The following XXYLT1 variants were observed in gnomAD, a reference collection of about 807,000 sequenced individuals.
The protein encoded by XXYLT1 is UDP-xylose:alpha-xyloside alpha-1,3-xylosyltransferase.
A neutral mutation model predicts 28.9 loss-of-function variants in XXYLT1; 20 were observed. The observed-to-expected ratio is 0.69, with a 90% CI of 0.49 to 1.00. The LOEUF (loss-of-function observed/expected upper bound fraction) is 1.00. Ranked by LOEUF, XXYLT1 falls within the 50% of genes least tolerant of loss-of-function variation. The probability of loss-of-function intolerance (pLI) is 0.00; values close to 1 mark genes in which losing one functional copy is unlikely to be tolerated. For synonymous variants in XXYLT1, 257 were observed against 253.8 expected, an observed-to-expected ratio of 1.01 and a Z score of -0.12; for missense variants, 542 against 560.1, an observed-to-expected ratio of 0.97 and a Z score of 0.33.
At chr3:195,102,461 A>G (rs1460972446) in intron 3 of XXYLT1, among the ~76,000 whole-genome samples, 1 of 151,964 alleles carries the variant, frequency 6.6e-6, no homozygotes, top group African/African-American at 2.4e-5. Flanking sequence ...TGGCCACGGT[A>G]ACCATCATTT....
At position 195,069,332 on chromosome 3, in the gene XXYLT1, G is replaced by A. The variant is rs1354724630; in HGVS notation, c.*383C>T. The A allele has an allele frequency of 5.0e-6, 1 of 200,138 alleles. No individual in the cohort carries two copies. The highest frequency in any genetic ancestry group is 1.0e-5 in the Non-Finnish European group (1 of 98,066). 12.4% of individuals were successfully genotyped at this position (200,138 alleles called of 1,614,324 possible). A position where few individuals can be genotyped will look rare whatever the true frequency, so the allele number is the denominator to read the frequency against. On this transcript the variant is annotated 3_prime_UTR_variant, in exon 4 of 4. Coordinates refer to ENST00000310380, the MANE Select transcript of XXYLT1 (RefSeq NM_152531.5). ...TTTGTACTTTCTCGAAAAATGGAAG[G>A]CTGTCAATTTAAATTAAATTTATAT...
intron 2 of XXYLT1, among the ~76,000 whole-genome samples, chr3:195,164,736 A>G (rs973571476): frequency 6.6e-6 from 1 of 152,212 alleles, no homozygotes; most frequent in African/African-American, 2.4e-5. Flanking sequence ...CTGATGGCCA[A>G]CCTCTTGTGT....
rs1282249366 is a variant in XXYLT1, at chr3:195,240,151, C to T, written c.505-13295G>A. Among the ~76,000 whole-genome samples, 8 of 152,266 alleles carry T rather than the reference C, an allele frequency of 5.3e-5. No homozygotes were observed. The highest frequency in any genetic ancestry group is 2.6e-4 in the Admixed American group (4 of 15,302). ...TGTTGTTCAAACTAAAATATGTAAC[C>T]GAGAAAGTGCTGTGTGATATAAAAG... On this transcript the variant is annotated intron_variant, in intron 1 of 3. Transcript: ENST00000310380. This position sits in a 1 kb window ranked among gnomAD's most constrained non-coding sequence, Gnocchi z 4.7.
intron 3 of XXYLT1, among the ~76,000 whole-genome samples, chr3:195,132,760 C>G (rs873120): frequency 0.17 from 26,282 of 152,094 alleles, 2,613 homozygotes; most frequent in East Asian, 0.41. Context: ...GCCAGCAGAC[C>G]GTAGTGAAGC....
chr3:195,204,425 C>T (rs1200054758), intron 2 of XXYLT1, among the ~76,000 whole-genome samples: 3 of 152,074 alleles, frequency 2.0e-5, no homozygotes, highest in Non-Finnish European at 4.4e-5. Flanking sequence ...AAAAGGTCCT[C>T]GCTTTCTCTC....
chr3:195,192,293 C>T (rs1722455316), intron 2 of XXYLT1, among the ~76,000 whole-genome samples: 3 of 152,000 alleles, frequency 2.0e-5, no homozygotes, highest in Non-Finnish European at 4.4e-5. Flanking sequence ...GGTGTGGTGG[C>T]ATGCACCAGT....
At chr3:195,206,761 G>A (rs1017818170) in intron 2 of XXYLT1, among the ~76,000 whole-genome samples, 6 of 150,120 alleles carry the variant, frequency 4.0e-5, no homozygotes, top group African/African-American at 9.8e-5. Context: ...GCAAGACTCC[G>A]TCTCAAAAAA....
intron 3 of XXYLT1, among the ~76,000 whole-genome samples, chr3:195,083,210 C>T (rs910609239): frequency 6.6e-6 from 1 of 152,148 alleles, no homozygotes; most frequent in Non-Finnish European, 1.5e-5. Context: ...AGTGATGTCG[C>T]TTCTGGAGTC....
At chr3:195,246,639 G>A (rs1725034033) in intron 1 of XXYLT1, among the ~76,000 whole-genome samples, 1 of 152,178 alleles carries the variant, frequency 6.6e-6, no homozygotes, top group South Asian at 2.1e-4. Context: ...ACTCCTCCAG[G>A]CTGATGAGGA....
At chr3:195,203,770 C>T (rs1214498742) in intron 2 of XXYLT1, among the ~76,000 whole-genome samples, 1 of 152,180 alleles carries the variant, frequency 6.6e-6, no homozygotes, top group Non-Finnish European at 1.5e-5. Context: ...ATCCTCCATG[C>T]TGATGGGGCT....
intron 3 of XXYLT1, among the ~76,000 whole-genome samples, chr3:195,116,965 C>A (rs1300635452): frequency 3.9e-5 from 6 of 152,132 alleles, no homozygotes; most frequent in Admixed American, 3.9e-4. Context: ...TACTGCCCAC[C>A]CATCAGCCCA....
In XXYLT1 at chr3:195,255,826, G is replaced by C. The variant is rs891097947; in HGVS notation, c.504+14729C>G. ...ATGAATAGACTCAACTCCAGGACCAGAGTCTGGACTCCCTCCAACCCAGAC... is the reference window on the plus strand; with the variant it reads ...ATGAATAGACTCAACTCCAGGACCACAGTCTGGACTCCCTCCAACCCAGAC... On this transcript the variant is annotated intron_variant, in intron 1 of 3. Coordinates refer to ENST00000310380, the MANE Select transcript of XXYLT1 (RefSeq NM_152531.5). The surrounding 1 kb of genome is among the most constrained non-coding windows in gnomAD (Gnocchi z 4.5). Among the ~76,000 whole-genome samples the C allele has an allele frequency of 1.3e-5, 2 of 152,108 alleles. No individual in the cohort carries two copies. The highest frequency in any genetic ancestry group is 1.9e-4 in the East Asian group (1 of 5,170).
rs555923338 is a variant in XXYLT1 at position 195,129,373 on chromosome 3, G to T, written c.785+27076C>A. 7.2e-5 allele frequency among the ~76,000 whole-genome samples: 11 copies of T among 152,158 alleles called. No homozygotes were observed. The highest frequency in any genetic ancestry group is 1.3e-4 in the Non-Finnish European group (9 of 68,030). On this transcript the variant is annotated intron_variant, in intron 3 of 3. Coordinates refer to ENST00000310380, the MANE Select transcript of XXYLT1 (RefSeq NM_152531.5). The surrounding 1 kb of genome is among the most constrained non-coding windows in gnomAD (Gnocchi z 4.4). ...TAGAATATTTTCATCACCTCAAAAA[G>T]AAATCTCGTACCCTTTAGCTATCGC...
chr3:195,204,474 T>TCA (rs1156560663), intron 2 of XXYLT1, among the ~76,000 whole-genome samples: 2 of 145,792 alleles, frequency 1.4e-5, no homozygotes, highest in Admixed American at 6.8e-5. Context: ...ACTCACTCTC[T>TCA]CACTCTCTCT....
intron 2 of XXYLT1, among the ~76,000 whole-genome samples, chr3:195,194,204 G>C (rs950712817): frequency 6.6e-6 from 1 of 151,152 alleles, no homozygotes; most frequent in African/African-American, 2.4e-5. Flanking sequence ...TTGCAACTCA[G>C]TAATAAGAAG....
In XXYLT1 at chr3:195,240,875, G is replaced by A. The variant is rs1724745380; in HGVS notation, c.505-14019C>T. Among the ~76,000 whole-genome samples the A allele has an allele frequency of 6.6e-6, 1 of 152,236 alleles. No homozygotes were observed. The highest frequency in any genetic ancestry group is 2.4e-5 in the African/African-American group (1 of 41,476). The stretch of plus-strand genomic sequence containing the variant: ...TGGGAGGCGGAGGTTGCAGTGAGCT[G>A]AGATTGTGCCACTGCACTCCTGCCT... On this transcript the variant is annotated intron_variant, in intron 1 of 3. Coordinates refer to ENST00000310380, the MANE Select transcript of XXYLT1 (RefSeq NM_152531.5). The surrounding 1 kb of genome is among the most constrained non-coding windows in gnomAD (Gnocchi z 4.7).
At chr3:195,177,843 G>A (rs1467903284) in intron 2 of XXYLT1, among the ~76,000 whole-genome samples, 4 of 151,856 alleles carry the variant, frequency 2.6e-5, no homozygotes, top group African/African-American at 7.3e-5. Flanking sequence ...GCTGAAGTGG[G>A]GTAATTGCTT....
At chr3:195,208,555 G>A (rs977500962) in intron 2 of XXYLT1, among the ~76,000 whole-genome samples, 3 of 152,168 alleles carry the variant, frequency 2.0e-5, no homozygotes, top group Admixed American at 6.5e-5. Context: ...CGCTCGTGAC[G>A]GGAAAGTCAC....
At chr3:195,108,328 G>C (rs1397323540) in intron 3 of XXYLT1, among the ~76,000 whole-genome samples, 1 of 152,202 alleles carries the variant, frequency 6.6e-6, no homozygotes, top group Non-Finnish European at 1.5e-5. Flanking sequence ...GCGTAACTGG[G>C]AACTTTCTCA....
Sources: allele counts gnomAD v4.1 joint callset (sites outside exome capture counted in the v4.1 genomes callset), GRCh38; gene constraint gnomAD v4.1.1; non-coding constraint Gnocchi (gnomAD v3.1); transcripts MANE v1.5; gene names NCBI Gene and HGNC (gene_info 2026-07-23, HGNC 2026-07-21).